The following GNAS-AS1 variants were observed in gnomAD, a reference collection of about 807,000 sequenced individuals.
GNAS-AS1 encodes GNAS antisense RNA 1.
chr20:58,844,707 A>G lies in GNAS-AS1; in HGVS notation n.414-2162T>C, dbSNP rs184933158. Among the ~76,000 whole-genome samples, 23 of 152,220 alleles carry G rather than the reference A, an allele frequency of 1.5e-4. No individual in the cohort carries two copies. In the Middle Eastern group the frequency reaches 0.017, roughly 113 times the overall value. On this transcript the variant is annotated intron_variant and non_coding_transcript_variant, in intron 2 of 4. Coordinates refer to ENST00000424094, the Ensembl canonical transcript of GNAS-AS1. Reference sequence around the variant, plus strand: ...GTGATTTAACCCTAATGGAACTCCCAAAAAACATCGAAAGTTGCTCAAATA... The same window carrying G: ...GTGATTTAACCCTAATGGAACTCCCGAAAAACATCGAAAGTTGCTCAAATA...
chr20:58,841,578 G>A lies in GNAS-AS1; in HGVS notation n.819+359C>T. On this transcript the variant is annotated intron_variant and non_coding_transcript_variant, in intron 4 of 4. Coordinates refer to ENST00000424094, the Ensembl canonical transcript of GNAS-AS1. This position sits in a 1 kb window ranked among gnomAD's most constrained non-coding sequence, Gnocchi z 5.0. ...CCACAGCCCGCCTCCCGTCGCTCGC[G>A]GGACAGAGACCGCCTCAAAGAGCGT... 9.9e-7 allele frequency: 1 copy of A among 1,007,840 alleles called. No individual in the cohort carries two copies. The highest frequency in any genetic ancestry group is 4.6e-5 in the South Asian group (1 of 21,518). The allele number at this position is 1,007,840 out of a possible 1,614,324, so 62.4% of individuals were successfully genotyped here.
intron 2 of GNAS-AS1, among the ~76,000 whole-genome samples, chr20:58,845,041 T>C (rs562367244): frequency 5.9e-5 from 9 of 151,872 alleles, no homozygotes; most frequent in Non-Finnish European, 1.3e-4. Flanking sequence ...TTTACGTGTG[T>C]GTGTGTGTTC....
intron 4 of GNAS-AS1, among the ~76,000 whole-genome samples, chr20:58,837,666 C>T (rs1400246487): frequency 2.0e-5 from 3 of 152,226 alleles, no homozygotes; most frequent in East Asian, 3.8e-4. Flanking sequence ...TGGTCTTGAA[C>T]TCCTGGCCTC....
chr20:58,839,033 G>C, intron 4 of GNAS-AS1: 1 of 397,842 alleles, frequency 2.5e-6, no homozygotes, highest in Non-Finnish European at 4.4e-6. Context: ...TGTGAACTGA[G>C]AGCGCAGGAA....
intron 4 of GNAS-AS1, chr20:58,838,826 A>G: frequency 2.5e-6 from 1 of 392,336 alleles, no homozygotes; most frequent in Non-Finnish European, 4.5e-6. Flanking sequence ...CTTAGGTAGG[A>G]GAATCTCTTG....
At chr20:58,820,636 G>A (rs541644810) in intron 4 of GNAS-AS1, among the ~76,000 whole-genome samples, 1 of 152,248 alleles carries the variant, frequency 6.6e-6, no homozygotes, top group South Asian at 2.1e-4. Flanking sequence ...AAAAGAAAGA[G>A]GTTTAATTGG....
intron 4 of GNAS-AS1, among the ~76,000 whole-genome samples, chr20:58,830,310 C>A (rs200615132): frequency 1.9e-5 from 2 of 103,850 alleles, no homozygotes; most frequent in East Asian, 6.4e-4. Context: ...ATCACCACCA[C>A]CACCACACCA....
chr20:58,846,704 G>A (rs2085953082), intron 2 of GNAS-AS1, among the ~76,000 whole-genome samples: 1 of 152,184 alleles, frequency 6.6e-6, no homozygotes, highest in Admixed American at 6.5e-5. Context: ...GTGAGAGCTG[G>A]TTTCTGAGTG....
intron 4 of GNAS-AS1, among the ~76,000 whole-genome samples, chr20:58,822,541 T>C (rs549395205): frequency 1.3e-5 from 2 of 152,322 alleles, no homozygotes; most frequent in Non-Finnish European, 2.9e-5. Context: ...TCATCATCAT[T>C]CATCCTTAAA....
intron 4 of GNAS-AS1, chr20:58,836,559 G>A (rs1241154579): frequency 6.6e-6 from 1 of 152,190 alleles, no homozygotes; most frequent in Non-Finnish European, 1.5e-5. Flanking sequence ...AGTGATATAT[G>A]CCCATACTTT....
At chr20:58,826,375 C>T (rs897504447) in intron 4 of GNAS-AS1, among the ~76,000 whole-genome samples, 1 of 152,122 alleles carries the variant, frequency 6.6e-6, no homozygotes, top group African/African-American at 2.4e-5. Flanking sequence ...GCCTTTCATG[C>T]ATAAAAATGT....
intron 2 of GNAS-AS1, among the ~76,000 whole-genome samples, chr20:58,848,280 T>C (rs1003710703): frequency 3.9e-5 from 6 of 152,154 alleles, no homozygotes; most frequent in African/African-American, 1.4e-4. Flanking sequence ...TGACACATCA[T>C]CTCACTGCAG....
In GNAS-AS1 at chr20:58,840,123, G is replaced by C; in HGVS notation, n.819+1814C>G. On this transcript the variant is annotated intron_variant and non_coding_transcript_variant, in intron 4 of 4. Transcript: ENST00000424094. The surrounding 1 kb of genome is among the most constrained non-coding windows in gnomAD (Gnocchi z 6.0). ...CCTAAGAGGATGGATCGGAGGTCCCGGGCTCAGCAGTGGCGCCGAGCTCGC... is the reference window on the plus strand; with the variant it reads ...CCTAAGAGGATGGATCGGAGGTCCCCGGCTCAGCAGTGGCGCCGAGCTCGC... 2 of 1,611,362 alleles carry C rather than the reference G, an allele frequency of 1.2e-6. No individual in the cohort carries two copies. Among genetic ancestry groups the C allele is most frequent in the Non-Finnish European group, 1.7e-6 (2 of 1,179,980 alleles).
At chr20:58,833,520 T>A (rs941570699) in intron 4 of GNAS-AS1, among the ~76,000 whole-genome samples, 1 of 152,168 alleles carries the variant, frequency 6.6e-6, no homozygotes, top group Non-Finnish European at 1.5e-5. Flanking sequence ...ATCCTAGCAG[T>A]GGAGGTGACC....
At chr20:58,845,861 G>A (rs1361727530) in intron 2 of GNAS-AS1, among the ~76,000 whole-genome samples, 2 of 152,224 alleles carry the variant, frequency 1.3e-5, no homozygotes, top group Admixed American at 6.5e-5. Flanking sequence ...AGCCAGCAGA[G>A]GCAGGACTCT....
rs1413112434 is a variant in GNAS-AS1, at chr20:58,840,421, A to G, written n.819+1516T>C. On this transcript the variant is annotated intron_variant and non_coding_transcript_variant, in intron 4 of 4. Transcript: ENST00000424094. The surrounding 1 kb of genome is among the most constrained non-coding windows in gnomAD (Gnocchi z 6.0). Reference sequence around the variant, plus strand: ...TCCCCGAGTGCCTAGAGTACGAGGAAGAGTTCGACTACGAGACCGAGAGCG... The same window carrying G: ...TCCCCGAGTGCCTAGAGTACGAGGAGGAGTTCGACTACGAGACCGAGAGCG... 6.2e-7 allele frequency: 1 copy of G among 1,613,538 alleles called. No individual in the cohort carries two copies. Among genetic ancestry groups the G allele is most frequent in the Admixed American group, 1.7e-5 (1 of 60,032 alleles).
chr20:58,844,121 C>G (rs2085849334), intron 2 of GNAS-AS1: 2 of 152,068 alleles, frequency 1.3e-5, no homozygotes, highest in South Asian at 2.1e-4. Context: ...ATGGATTTAC[C>G]TCAATTATCA....
chr20:58,838,599 G>C (rs181378760), intron 4 of GNAS-AS1: 1 of 162,340 alleles, frequency 6.2e-6, no homozygotes, highest in African/African-American at 2.4e-5. Context: ...CACCCAATGA[G>C]TATTGCTGAG....
chr20:58,822,747 C>T (rs929730745), intron 4 of GNAS-AS1, among the ~76,000 whole-genome samples: 1 of 151,828 alleles, frequency 6.6e-6, no homozygotes, highest in Non-Finnish European at 1.5e-5. Flanking sequence ...GGCCCCTTCC[C>T]TGAAGTCAGG....
Sources: gnomAD v4.1 joint callset for allele counts (sites outside exome capture counted in the v4.1 genomes callset) on GRCh38, gnomAD v4.1.1 for gene constraint, Gnocchi (gnomAD v3.1) non-coding constraint, MANE v1.5 for transcripts, NCBI Gene and HGNC (gene_info 2026-07-23, HGNC 2026-07-21) for gene names.